Variants in ACOXL observed in about 807,000 individuals in gnomAD.
ACOXL encodes acyl-CoA oxidase like, also known as acyl-coenzyme A oxidase-like protein.
In ACOXL, 70 loss-of-function variants were observed where a neutral mutation model predicts 71.9. That is an observed-to-expected ratio of 0.97 (90% CI 0.80 to 1.19). The LOEUF (loss-of-function observed/expected upper bound fraction) is 1.19. Ranked by LOEUF, ACOXL falls within the 50% of genes most tolerant of loss-of-function variation. The pLI is 0.00. For missense variants in ACOXL, 703 were observed against 736.3 expected (o/e 0.95, Z 0.52); for synonymous variants, 253 against 281.6 (o/e 0.90, Z 1.02).
rs753221679 is a variant in ACOXL, at chr2:111,107,455, TTTG to T, written c.1543-10145_1543-10143del. Among the ~76,000 whole-genome samples, 8 of 152,288 alleles carry T rather than the reference TTTG, an allele frequency of 5.3e-5. No homozygotes were observed. The East Asian group carries it at 5.8e-4, about 11-fold the overall frequency. On this transcript the variant is annotated intron_variant, in intron 17 of 17. Coordinates refer to ENST00000439055, the MANE Select transcript of ACOXL (RefSeq NM_001142807.4). ...AGAAGTGACTTTAACTATAGTTTTTTTTGTTGTTGTTGTTGTTGGTTTTTTTGG... is the reference window on the plus strand; with the variant it reads ...AGAAGTGACTTTAACTATAGTTTTTTTTGTTGTTGTTGTTGGTTTTTTTGG...
At chr2:110,849,021 G>A (rs1366439785) in intron 10 of ACOXL, among the ~76,000 whole-genome samples, 2 of 152,082 alleles carry the variant, frequency 1.3e-5, no homozygotes, top group African/African-American at 4.8e-5. Flanking sequence ...CTTGTCTCTC[G>A]CCGACCAGTG....
At position 110,845,251 on chromosome 2, in the gene ACOXL, T is replaced by C. The variant is rs1215854520; in HGVS notation, c.788+3846T>C. 4.6e-5 allele frequency among the ~76,000 whole-genome samples: 7 copies of C among 152,264 alleles called. No individual in the cohort carries two copies. In the East Asian group the frequency reaches 1.4e-3, roughly 29 times the overall value. ...GCCATGGGCAGGGAGGAGTGCTGTG[T>C]TGTCACGTGGCAGAAGGGAGAGGAG... is the stretch of plus-strand genomic sequence containing the variant. On this transcript the variant is annotated intron_variant, in intron 10 of 17. Transcript: ENST00000439055.
At chr2:111,055,652 C>T (rs989551889) in intron 16 of ACOXL, among the ~76,000 whole-genome samples, 1 of 152,226 alleles carries the variant, frequency 6.6e-6, no homozygotes, top group African/African-American at 2.4e-5. Flanking sequence ...CCCACATCAC[C>T]ATTCAGTCAT....
intron 10 of ACOXL, among the ~76,000 whole-genome samples, chr2:110,862,907 C>A (rs1241043015): frequency 6.6e-6 from 1 of 152,200 alleles, no homozygotes; most frequent in African/African-American, 2.4e-5. Context: ...AGGCAACCAC[C>A]ACCTAGGGCC....
rs551249890 is a variant in ACOXL, at chr2:110,973,612, T to C, written c.1060-13496T>C. 3.3e-5 allele frequency among the ~76,000 whole-genome samples: 5 copies of C among 152,298 alleles called. No homozygotes were observed. In the South Asian group the frequency reaches 1.0e-3, roughly 32 times the overall value. ...TCTGTTGTTTATAAGCCACTCAGTT[T>C]ATGGTATTTTGTTATAGCAGCCTGA... On this transcript the variant is annotated intron_variant, in intron 12 of 17. Coordinates refer to ENST00000439055, the MANE Select transcript of ACOXL (RefSeq NM_001142807.4).
chr2:110,761,657 C>A (rs1680418856), intron 1 of ACOXL, among the ~76,000 whole-genome samples: 1 of 152,202 alleles, frequency 6.6e-6, no homozygotes, highest in Non-Finnish European at 1.5e-5. Flanking sequence ...ACCCATACTG[C>A]CAGTTGCTGA....
rs150596294 is a variant in ACOXL at position 110,772,825 on chromosome 2, T to C, written c.75+4361T>C. ...AACTACCTGCATGTGAGACACTGGA[T>C]ATTCATCATAAACTTCAACCAAAAC... is the stretch of plus-strand genomic sequence containing the variant. On this transcript the variant is annotated intron_variant, in intron 2 of 17. Coordinates refer to ENST00000439055, the MANE Select transcript of ACOXL (RefSeq NM_001142807.4). 1.4e-3 allele frequency among the ~76,000 whole-genome samples: 214 copies of C among 152,286 alleles called. 1 individual carries two copies. The highest frequency in any genetic ancestry group is 3.4e-3 in the Middle Eastern group (1 of 294).
In ACOXL at chr2:110,781,642, A is replaced by AAAAT. The variant is rs557818537; in HGVS notation, c.76-3068_76-3065dup. Among the ~76,000 whole-genome samples the AAAAT allele has an allele frequency of 5.3e-4, 80 of 151,838 alleles. 1 individual carries two copies. The East Asian group carries it at 9.9e-3, about 19-fold the overall frequency. Reference sequence around the variant, plus strand: ...GGTGACAGAATGATACTCCATCTCAAAAATAAATAAATAAATAAATAAATA... The same window carrying AAAAT: ...GGTGACAGAATGATACTCCATCTCAAAAATAAATAAATAAATAAATAAATAAATA... On this transcript the variant is annotated intron_variant, in intron 2 of 17. Transcript: ENST00000439055.
intron 9 of ACOXL, among the ~76,000 whole-genome samples, chr2:110,840,517 C>T (rs547833012): frequency 6.6e-6 from 1 of 152,190 alleles, no homozygotes; most frequent in South Asian, 2.1e-4. Context: ...AATAAATTTG[C>T]CCATTTTACA....
At chr2:110,797,719 G>A (rs574307044) in intron 5 of ACOXL, among the ~76,000 whole-genome samples, 4 of 152,264 alleles carry the variant, frequency 2.6e-5, no homozygotes, top group South Asian at 2.1e-4. Context: ...TCACAGATGC[G>A]GACCCTGGGA....
intron 11 of ACOXL, among the ~76,000 whole-genome samples, chr2:110,932,031 A>T (rs1045772033): frequency 5.9e-5 from 9 of 152,236 alleles, no homozygotes; most frequent in African/African-American, 2.2e-4. Flanking sequence ...CAAAATGTTC[A>T]TCAACAAGTG....
In ACOXL at chr2:110,841,387, C is replaced by G. The variant is rs749321633; in HGVS notation, c.770C>G (p.Ala257Gly). ...MGAMKLGLTI[A>G]IRYSHSRRQF... ...TAATTACAGCTTGGGTTGACGATAG[C>G]CATTCGCTATAGCCACAGGTAAATG... The change falls in exon 10 of 18, where the codon GCC (alanine) becomes GGC (glycine). Residue 257 changes from alanine to glycine, a missense_variant. By Grantham distance (60) the Ala-to-Gly change is moderately conservative. Transcript: ENST00000439055. 1 of 1,609,630 alleles carries G rather than the reference C, an allele frequency of 6.2e-7. No homozygotes were observed. The highest frequency in any genetic ancestry group is 2.2e-5 in the East Asian group (1 of 44,862).
intron 14 of ACOXL, among the ~76,000 whole-genome samples, chr2:111,023,839 A>G (rs2064890409): frequency 6.6e-6 from 1 of 152,106 alleles, no homozygotes; most frequent in African/African-American, 2.4e-5. Context: ...GACCAAGGAC[A>G]CCCAGACCGA....
At chr2:111,073,518 C>T (rs987883118) in intron 16 of ACOXL, among the ~76,000 whole-genome samples, 3 of 152,066 alleles carry the variant, frequency 2.0e-5, no homozygotes, top group Non-Finnish European at 4.4e-5. Flanking sequence ...GTTGAAAATA[C>T]TATCCTTTCT....
intron 17 of ACOXL, among the ~76,000 whole-genome samples, chr2:111,113,827 A>G (rs535267963): frequency 1.3e-5 from 2 of 152,354 alleles, no homozygotes; most frequent in African/African-American, 4.8e-5. Flanking sequence ...TTGTTCATTA[A>G]TTAAGGTTCC....
intron 12 of ACOXL, chr2:110,968,477 A>G (rs532065670): frequency 1.3e-4 from 164 of 1,304,342 alleles, no homozygotes; most frequent in Non-Finnish European, 1.5e-4. Flanking sequence ...ATGGAAGAAG[A>G]TGAAGATGCT....
intron 1 of ACOXL, among the ~76,000 whole-genome samples, chr2:110,738,184 C>T (rs529484032): frequency 1.3e-5 from 2 of 152,336 alleles, no homozygotes; most frequent in East Asian, 1.9e-4. Context: ...GAGATGCTAA[C>T]ATTCCCAACT....
intron 11 of ACOXL, among the ~76,000 whole-genome samples, chr2:110,929,973 A>G (rs1022354272): frequency 9.2e-5 from 14 of 152,166 alleles, no homozygotes; most frequent in Non-Finnish European, 2.1e-4. Flanking sequence ...CCTCATGGAG[A>G]ACCTTTGCTA....
At position 110,745,202 on chromosome 2, in the gene ACOXL, C is replaced by T. The variant is rs368330452; in HGVS notation, c.-23+12428C>T. Among the ~76,000 whole-genome samples the T allele has an allele frequency of 1.1e-4, 16 of 152,346 alleles. No individual in the cohort carries two copies. The East Asian group carries it at 2.5e-3, about 24-fold the overall frequency. On this transcript the variant is annotated intron_variant, in intron 1 of 17. Transcript: ENST00000439055. ...CTTGGGTGGCACTTTCAGGAATCCCCTGACCTGCTCTCTTCCTGTCCAGAC... is the reference window on the plus strand; with the variant it reads ...CTTGGGTGGCACTTTCAGGAATCCCTTGACCTGCTCTCTTCCTGTCCAGAC...
Sources: allele counts gnomAD v4.1 joint callset (sites outside exome capture counted in the v4.1 genomes callset), GRCh38; gene constraint gnomAD v4.1.1; transcripts MANE v1.5; gene names NCBI Gene and HGNC (gene_info 2026-07-23, HGNC 2026-07-21).